Variants in A4GALT observed in about 807,000 individuals in gnomAD.
The protein encoded by A4GALT is alpha 1,4-galactosyltransferase (P1PK blood group), also known as lactosylceramide 4-alpha-galactosyltransferase.
For missense variants in A4GALT, 512 were observed against 486.0 expected, an observed-to-expected ratio of 1.05 and a Z score of -0.50; for synonymous variants, 257 against 220.7, an observed-to-expected ratio of 1.16 and a Z score of -1.46.
chr22:42,692,808 C>T lies in A4GALT; in HGVS notation c.*82G>A, dbSNP rs756817841. The T allele has an allele frequency of 1.8e-5, 27 of 1,541,892 alleles. No homozygotes were observed. Among genetic ancestry groups the T allele is most frequent in the South Asian group, 3.4e-5 (3 of 88,386 alleles). On this transcript the variant is annotated 3_prime_UTR_variant, in exon 3 of 3. Transcript: ENST00000642412. This position sits in a 1 kb window ranked among gnomAD's most constrained non-coding sequence, Gnocchi z 4.6. ...GGTGGCAGCTCGGGCCTCCCTCTCCCGGGCCCTCAATCTTGCCTCCCCGGG... is the reference window on the plus strand; with the variant it reads ...GGTGGCAGCTCGGGCCTCCCTCTCCTGGGCCCTCAATCTTGCCTCCCCGGG...
intron 1 of A4GALT, among the ~76,000 whole-genome samples, chr22:42,705,339 G>T (rs938704817): frequency 6.6e-6 from 1 of 152,206 alleles, no homozygotes; most frequent in Non-Finnish European, 1.5e-5. Flanking sequence ...AATGGCTCAT[G>T]CCTGTAATCT....
At chr22:42,714,358 C>T (rs956344498) in intron 1 of A4GALT, among the ~76,000 whole-genome samples, 165 of 140,410 alleles carry the variant, frequency 1.2e-3, no homozygotes, top group African/African-American at 4.0e-3. Context: ...AAGGCCAAGG[C>T]GGGAGCATCA....
At chr22:42,715,976 G>A (rs1489112750) in intron 1 of A4GALT, among the ~76,000 whole-genome samples, 2 of 152,092 alleles carry the variant, frequency 1.3e-5, no homozygotes, top group African/African-American at 2.4e-5. Context: ...GGGATTACAG[G>A]AATGCACCAG....
chr22:42,710,541 A>G (rs936139132), intron 1 of A4GALT, among the ~76,000 whole-genome samples: 3 of 151,902 alleles, frequency 2.0e-5, no homozygotes, highest in Non-Finnish European at 4.4e-5. Flanking sequence ...ACAAAAAATT[A>G]CAAAAATTAG....
chr22:42,716,668 A>G (rs8136914), intron 1 of A4GALT, among the ~76,000 whole-genome samples: 31,723 of 152,108 alleles, frequency 0.21, 4,140 homozygotes, highest in South Asian at 0.37. Flanking sequence ...TAGGGGCTCA[A>G]TCTCACTGTG....
rs540954855 is a variant in A4GALT, at chr22:42,702,404, G to A, written c.-187-6773C>T. Among the ~76,000 whole-genome samples, 9 of 150,970 alleles carry A rather than the reference G, an allele frequency of 6.0e-5. No homozygotes were observed. The East Asian group carries it at 1.6e-3, about 26-fold the overall frequency. ...CGCCCAGGCTGGAGTGCAGTGGTGC[G>A]ATCTCGGCTCACTGCCAACTTCCGC... On this transcript the variant is annotated intron_variant, in intron 1 of 2. Coordinates refer to ENST00000642412, the MANE Select transcript of A4GALT (RefSeq NM_017436.7).
In A4GALT at chr22:42,704,232, C is replaced by T. The variant is rs28992191; in HGVS notation, c.-187-8601G>A. Among the ~76,000 whole-genome samples, 735 of 152,218 alleles carry T rather than the reference C, an allele frequency of 4.8e-3. 3 individuals carry two copies. Among genetic ancestry groups the T allele is most frequent in the African/African-American group, 0.017 (697 of 41,536 alleles). ...GCGCAGTGGCTCATGCTTGTAATCC[C>T]AGCACTTTGGGAGGCCAAGGTGGGC... On this transcript the variant is annotated intron_variant, in intron 1 of 2. Transcript: ENST00000642412.
chr22:42,703,875 A>T (rs1920947674), intron 1 of A4GALT, among the ~76,000 whole-genome samples: 1 of 152,158 alleles, frequency 6.6e-6, no homozygotes. Context: ...CCGAGTACAG[A>T]ATTCAAATCC....
intron 1 of A4GALT, among the ~76,000 whole-genome samples, chr22:42,703,057 C>CTCTGTGTGTGTGTGTGTGTGTGTG (rs753250465): frequency 1.9e-4 from 26 of 134,416 alleles, no homozygotes; most frequent in African/African-American, 7.1e-4. Context: ...TGCTGCCCTG[C>CTCTGTGTGTGTGTGTGTGTGTGTG]TGTGTGTGTG....
chr22:42,698,246 CA>C (rs11420129), intron 1 of A4GALT, among the ~76,000 whole-genome samples: 5,094 of 135,950 alleles, frequency 0.037, 90 homozygotes, highest in Middle Eastern at 0.063. Flanking sequence ...GACTCCGTCT[CA>C]AAAAAAAAAA....
upstream of A4GALT, chr22:42,720,952 C>A (rs1310209719): frequency 6.7e-6 from 1 of 148,282 alleles, no homozygotes; most frequent in Admixed American, 6.7e-5. Context: ...TCCCGACCTA[C>A]CCTGCGGGTC....
Position 42,693,096 on chromosome 22 carries a change from G to A in A4GALT, c.856C>T (p.Pro286Ser), listed in dbSNP as rs765334659. ...TTCTTCCAGTCCTGCCAGGGGATGG[G>A]GTAGAAGGCCTCAGGGGGCAGGGTG... ...VTTLPPEAFY[P>S]IPWQDWKKYF... The change falls in exon 3 of 3, where the codon CCC becomes TCC. Residue 286 changes from proline (P) to serine (S), a missense_variant. Physicochemically the swap from Pro to Ser is moderately conservative, Grantham distance 74. Coordinates refer to ENST00000642412, the MANE Select transcript of A4GALT (RefSeq NM_017436.7). 3.1e-6 allele frequency: 5 copies of A among 1,612,724 alleles called. No homozygotes were observed.
intron 1 of A4GALT, among the ~76,000 whole-genome samples, chr22:42,717,422 C>T (rs1381388519): frequency 1.3e-5 from 2 of 152,102 alleles, no homozygotes; most frequent in Admixed American, 6.5e-5. Flanking sequence ...CTGGGGCCCT[C>T]CCCTCCGCTG....
At chr22:42,717,083 G>A (rs1346230637) in intron 1 of A4GALT, among the ~76,000 whole-genome samples, 1 of 152,128 alleles carries the variant, frequency 6.6e-6, no homozygotes, top group South Asian at 2.1e-4. Flanking sequence ...TGTGGACACT[G>A]GTCTGGAAGG....
intron 1 of A4GALT, among the ~76,000 whole-genome samples, chr22:42,719,709 C>T (rs953817383): frequency 2.6e-5 from 4 of 152,060 alleles, no homozygotes; most frequent in Non-Finnish European, 5.9e-5. Flanking sequence ...GTGGCTCCCT[C>T]ATTCTTTGGG....
intron 1 of A4GALT, among the ~76,000 whole-genome samples, chr22:42,704,691 A>T (rs1920963222): frequency 1.3e-5 from 2 of 152,062 alleles, no homozygotes; most frequent in African/African-American, 4.8e-5. Flanking sequence ...AGGGAGGTGG[A>T]CTTCATTCCA....
intron 1 of A4GALT, among the ~76,000 whole-genome samples, chr22:42,707,321 T>TA (rs1921235000): frequency 2.0e-5 from 3 of 152,154 alleles, no homozygotes; most frequent in Non-Finnish European, 4.4e-5. Context: ...CGGGAATTTT[T>TA]TAAAAAATTT....
Position 42,705,783 on chromosome 22 carries a change from G to C in A4GALT, c.-187-10152C>G, listed in dbSNP as rs1202242400. ...TTTAATAGGCCGAGGCTGGCAGATC[G>C]TTTGAGGTCTGGAGTTGGAGACCAG... On this transcript the variant is annotated intron_variant, in intron 1 of 2. Transcript: ENST00000642412. 2.7e-4 allele frequency among the ~76,000 whole-genome samples: 32 copies of C among 119,780 alleles called. 6 individuals are homozygous for C. The highest frequency in any genetic ancestry group is 8.2e-4 in the African/African-American group (31 of 37,672). 78.6% of individuals were successfully genotyped at this position (119,780 alleles called of 152,430 possible). A position where few individuals can be genotyped will look rare whatever the true frequency, so the allele number is the denominator to read the frequency against.
At chr22:42,702,321 C>A (rs1042792744) in intron 1 of A4GALT, among the ~76,000 whole-genome samples, 2 of 152,010 alleles carry the variant, frequency 1.3e-5, no homozygotes, top group Non-Finnish European at 2.9e-5. Context: ...GGGGCTCCCC[C>A]ACCAGAGGAA....
Sources: allele counts gnomAD v4.1 joint callset (sites outside exome capture counted in the v4.1 genomes callset), GRCh38; gene constraint gnomAD v4.1.1; non-coding constraint Gnocchi (gnomAD v3.1); transcripts MANE v1.5; gene names NCBI Gene and HGNC (gene_info 2026-07-23, HGNC 2026-07-21).